The following KDM4C variants were observed in gnomAD, a reference collection of about 807,000 sequenced individuals.
KDM4C encodes the protein lysine demethylase 4C.
A neutral mutation model predicts 129.3 loss-of-function variants in KDM4C; 81 were observed. The observed-to-expected ratio is 0.63, with a 90% CI of 0.52 to 0.75. The LOEUF (loss-of-function observed/expected upper bound fraction) is 0.75. KDM4C is among the 30% of genes least tolerant of loss of function. The pLI, the probability that KDM4C is intolerant of heterozygous loss-of-function variation, is 0.00. For missense variants in KDM4C, 1,457 were observed against 1,304.0 expected (o/e 1.12, Z -1.81); for synonymous variants, 573 against 456.1 (o/e 1.26, Z -3.26).
chr9:6,843,482 A>G (rs935128018), intron 4 of KDM4C, among the ~76,000 whole-genome samples: 1 of 152,248 alleles, frequency 6.6e-6, no homozygotes, highest in South Asian at 2.1e-4. Flanking sequence ...CACTTCTGCT[A>G]GGAATAATGT....
intron 15 of KDM4C, among the ~76,000 whole-genome samples, chr9:7,032,236 A>G (rs1042701608): frequency 6.6e-6 from 1 of 152,188 alleles, no homozygotes; most frequent in African/African-American, 2.4e-5. Flanking sequence ...AAGCAACCTA[A>G]CTCCATTCAG....
chr9:6,977,085 C>G (rs573705210), intron 8 of KDM4C, among the ~76,000 whole-genome samples: 2 of 152,234 alleles, frequency 1.3e-5, no homozygotes, highest in South Asian at 4.1e-4. Context: ...TGGGATCAAG[C>G]CATCCACCTG....
intron 1 of KDM4C, among the ~76,000 whole-genome samples, chr9:6,736,404 AG>A (rs1369844974): frequency 1.3e-5 from 2 of 152,106 alleles, no homozygotes; most frequent in Non-Finnish European, 2.9e-5. Context: ...GAGGCCTAGG[AG>A]GAAAAAGTGG....
chr9:6,867,982 A>C (rs1463080216), intron 5 of KDM4C, among the ~76,000 whole-genome samples: 2 of 152,190 alleles, frequency 1.3e-5, no homozygotes, highest in East Asian at 3.8e-4. Context: ...CCTACTTTGG[A>C]AAAGCTTTAA....
chr9:6,916,176 G>A (rs550670360), intron 8 of KDM4C, among the ~76,000 whole-genome samples: 1 of 152,238 alleles, frequency 6.6e-6, no homozygotes, highest in East Asian at 1.9e-4. Flanking sequence ...TTGAGGTGTA[G>A]TGTGTTTAGA....
intron 1 of KDM4C, among the ~76,000 whole-genome samples, chr9:6,787,513 G>A (rs948767263): frequency 3.9e-5 from 6 of 152,216 alleles, no homozygotes; most frequent in Non-Finnish European, 5.9e-5. Context: ...GATTACAGGC[G>A]TGAGCCACCA....
chr9:6,796,218 G>C (rs1827727338), intron 2 of KDM4C, among the ~76,000 whole-genome samples: 1 of 152,154 alleles, frequency 6.6e-6, no homozygotes, highest in Non-Finnish European at 1.5e-5. Context: ...GCCGAGGTGG[G>C]TGGATCACTT....
At position 6,986,603 on chromosome 9, in the gene KDM4C, C is replaced by A. The variant is rs766067073; in HGVS notation, c.1614C>A (p.Gly538=). The change falls in exon 11 of 22, where the codon GGC becomes GGA. Residue 538 remains glycine, a synonymous_variant. Coordinates refer to ENST00000381309, the MANE Select transcript of KDM4C (RefSeq NM_015061.6). ...GTGATGTGGAGAGCCATGGGAATGG[C>A]CTTGAACCTGGGGAAATCCCAGCGG... ...EESDVESHGN[G]LEPGEIPAVP... The A allele has an allele frequency of 4.3e-6, 7 of 1,614,012 alleles. No homozygotes were observed. The East Asian group carries it at 1.6e-4, about 36-fold the overall frequency.
At chr9:6,762,877 T>C (rs1304043057) in intron 1 of KDM4C, among the ~76,000 whole-genome samples, 1 of 152,006 alleles carries the variant, frequency 6.6e-6, no homozygotes, top group African/African-American at 2.4e-5. Context: ...CAGGCTGGGC[T>C]CGAATTCTTG....
chr9:6,963,378 G>T (rs1830340591), intron 8 of KDM4C, among the ~76,000 whole-genome samples: 1 of 152,214 alleles, frequency 6.6e-6, no homozygotes, highest in Non-Finnish European at 1.5e-5. Context: ...AGTGATGCAG[G>T]ATAAGCACAA....
rs191223400 is a variant in KDM4C at position 7,121,716 on chromosome 9, G to C, written c.2611-6350G>C. On this transcript the variant is annotated intron_variant, in intron 18 of 21. Coordinates refer to ENST00000381309, the MANE Select transcript of KDM4C (RefSeq NM_015061.6). ...AAATCCAAGTTACTAATCCAACCCT[G>C]TGGATATATTGGGGAAAGTAAGTAA... Among the ~76,000 whole-genome samples the C allele has an allele frequency of 7.4e-4, 113 of 152,102 alleles. 3 individuals are homozygous for C. Among genetic ancestry groups the C allele is most frequent in the Admixed American group, 9.2e-4 (14 of 15,288 alleles).
chr9:6,746,717 G>A (rs1472656787), intron 1 of KDM4C, among the ~76,000 whole-genome samples: 42 of 149,816 alleles, frequency 2.8e-4, no homozygotes, highest in African/African-American at 1.0e-3. Flanking sequence ...TCGTCTCTAA[G>A]AAAAAAACAG....
intron 8 of KDM4C, among the ~76,000 whole-genome samples, chr9:6,964,781 C>CA (rs369795659): frequency 0.11 from 5,881 of 53,596 alleles, 599 homozygotes; most frequent in African/African-American, 0.22. Flanking sequence ...GACTCCGTCT[C>CA]AAAAAAAAAA....
Position 7,128,246 on chromosome 9 carries a change from C to T in KDM4C, c.2781+10C>T, listed in dbSNP as rs777493279. The T allele has an allele frequency of 5.5e-5, 86 of 1,555,336 alleles. No individual in the cohort carries two copies. The East Asian group carries it at 2.0e-3, about 35-fold the overall frequency. ...TCCTGAGGATATCGTGGTAAGTAGG[C>T]TTCCTTGAGTGCCTGCTACCCAGAG... On this transcript the variant is annotated intron_variant, in intron 19 of 21. Coordinates refer to ENST00000381309, the MANE Select transcript of KDM4C (RefSeq NM_015061.6).
intron 16 of KDM4C, 110 bp from the exon 17 acceptor site, chr9:7,048,982 G>T: frequency 4.7e-5 from 29 of 618,514 alleles, no homozygotes; most frequent in Middle Eastern, 2.7e-4. Context: ...TTAGGCTTTT[G>T]GCTTTCTTGC....
intron 3 of KDM4C, among the ~76,000 whole-genome samples, chr9:6,807,432 G>T (rs373164655): frequency 7.0e-6 from 1 of 141,950 alleles, no homozygotes; most frequent in Non-Finnish European, 1.6e-5. Context: ...CATCTAGGAA[G>T]TGAGGAGCGC....
chr9:7,059,627 T>C (rs1831336891), intron 17 of KDM4C, among the ~76,000 whole-genome samples: 1 of 152,218 alleles, frequency 6.6e-6, no homozygotes, highest in African/African-American at 2.4e-5. Context: ...CTTTTCCAAG[T>C]ATTTATGTGT....
intron 19 of KDM4C, among the ~76,000 whole-genome samples, chr9:7,142,301 T>C (rs1052877104): frequency 2.0e-5 from 3 of 152,208 alleles, no homozygotes; most frequent in African/African-American, 7.2e-5. Context: ...TTTAAAATTT[T>C]CATAGAGATG....
At chr9:6,969,738 T>C (rs1831627289) in intron 8 of KDM4C, among the ~76,000 whole-genome samples, 1 of 152,226 alleles carries the variant, frequency 6.6e-6, no homozygotes, top group African/African-American at 2.4e-5. Flanking sequence ...TTTTTTTCTA[T>C]GTTCAGAGGT....
Sources: allele counts gnomAD v4.1 joint callset (sites outside exome capture counted in the v4.1 genomes callset), GRCh38; gene constraint gnomAD v4.1.1; transcripts MANE v1.5; gene names NCBI Gene and HGNC (gene_info 2026-07-23, HGNC 2026-07-21).